The following LIFR variants were observed in gnomAD, a reference collection of about 807,000 sequenced individuals.
LIFR encodes the protein LIF receptor subunit alpha, also known as leukemia inhibitory factor receptor.
LIFR carries 84 observed loss-of-function variants against 122.2 expected under a neutral mutation model. The ratio of observed to expected loss-of-function variants is 0.69; its 90% CI spans 0.58 to 0.82. LIFR has a LOEUF of 0.82. Among genes scored for constraint, LIFR ranks in the 40% least tolerant of loss-of-function variants. The pLI is 0.00. For synonymous variants in LIFR, 422 were observed against 434.7 expected (o/e 0.97, Z 0.36); for missense variants, 1,294 against 1,311.6 (o/e 0.99, Z 0.21).
In LIFR at chr5:38,483,265, T is replaced by C. The variant is rs147383941; in HGVS notation, c.2592-598A>G. On this transcript the variant is annotated intron_variant, in intron 18 of 19. Transcript: ENST00000453190. ...GAGATTTGCTCAGTGTCCTATCATA[T>C]TTTTATATTTATAGCTACTAAAAAG... Among the ~76,000 whole-genome samples the C allele has an allele frequency of 2.2e-3, 329 of 152,322 alleles. 2 individuals are homozygous for C. The highest frequency in any genetic ancestry group is 7.8e-3 in the African/African-American group (324 of 41,562).
intron 1 of LIFR, among the ~76,000 whole-genome samples, chr5:38,589,907 A>G (rs1233647664): frequency 2.0e-5 from 3 of 152,116 alleles, no homozygotes; most frequent in Non-Finnish European, 4.4e-5. Flanking sequence ...TCTACTTTTC[A>G]CTGTTTAGAA....
rs1400176492 is a variant in LIFR at position 38,556,611 on chromosome 5, G to A, written c.-297C>T. 1 of 149,030 alleles carries A rather than the reference G, an allele frequency of 6.7e-6. No homozygotes were observed. Among genetic ancestry groups the A allele is most frequent in the South Asian group, 2.1e-4 (1 of 4,806 alleles). The allele number at this position is 149,030 out of a possible 1,614,324, so 9.2% of individuals were successfully genotyped here. Reference sequence around the variant, plus strand: ...AGAGCCTCCCAGAGGCAACGGTAACGGCCACCGCCACGGCCGAGTCGCTCC... The same window carrying A: ...AGAGCCTCCCAGAGGCAACGGTAACAGCCACCGCCACGGCCGAGTCGCTCC... On this transcript the variant is annotated 5_prime_UTR_variant, in exon 1 of 20. Transcript: ENST00000453190.
At chr5:38,496,085 ATAAACTCTTAAAATATTTC>A (rs1744860945) in intron 13 of LIFR, among the ~76,000 whole-genome samples, 1 of 152,174 alleles carries the variant, frequency 6.6e-6, no homozygotes, top group Admixed American at 6.5e-5. Context: ...TATCATTTGA[ATAAACTCTTAAAATATTTC>A]TTCCTAAAAG....
upstream of LIFR, among the ~76,000 whole-genome samples, chr5:38,595,586 A>C (rs1057160568): frequency 6.6e-6 from 1 of 152,130 alleles, no homozygotes; most frequent in Non-Finnish European, 1.5e-5. Flanking sequence ...AATGGGATAA[A>C]AAGCTTTTGC....
At chr5:38,528,527 T>C in intron 3 of LIFR, 199 bp downstream of exon 3, 4 of 611,754 alleles carry the variant, frequency 6.5e-6, no homozygotes, top group South Asian at 5.7e-5. Flanking sequence ...CTCTGTCCCC[T>C]CTTCTCACCT....
intron 9 of LIFR, 71 bp downstream of exon 9, chr5:38,505,834 A>G: frequency 1.0e-6 from 1 of 972,680 alleles, no homozygotes; most frequent in Non-Finnish European, 1.6e-6. Context: ...TAATCCCTAT[A>G]AGCATTTTTC....
upstream of LIFR, among the ~76,000 whole-genome samples, chr5:38,560,798 A>G (rs1163583524): frequency 6.6e-6 from 1 of 151,832 alleles, no homozygotes; most frequent in Non-Finnish European, 1.5e-5. Context: ...GGGTTTCACC[A>G]TCTTGGCCAG....
intron 18 of LIFR, among the ~76,000 whole-genome samples, chr5:38,483,099 A>G (rs113323784): frequency 2.0e-5 from 3 of 151,610 alleles, no homozygotes; most frequent in Non-Finnish European, 4.4e-5. Flanking sequence ...AATCTTGACC[A>G]AAAACTAAAT....
chr5:38,568,773 A>G (rs1244160326), intron 1 of LIFR, among the ~76,000 whole-genome samples: 1 of 152,212 alleles, frequency 6.6e-6, no homozygotes, highest in African/African-American at 2.4e-5. Flanking sequence ...AAGCAGGTTG[A>G]GCGTCCCAGG....
At chr5:38,556,684 G>C (rs1044528837), upstream of LIFR, 12 of 145,694 alleles carry the variant, frequency 8.2e-5, no homozygotes, top group African/African-American at 2.7e-4. Context: ...CCGCTCGGCT[G>C]GGGGCGCAGC....
Position 38,476,205 on chromosome 5 carries a change from A to G in LIFR, c.*5390T>C, listed in dbSNP as rs1743713836. 2 of 207,130 alleles carry G rather than the reference A, an allele frequency of 9.7e-6. No homozygotes were observed. The highest frequency in any genetic ancestry group is 4.6e-5 in the African/African-American group (2 of 43,928). The allele number at this position is 207,130 out of a possible 1,614,324, so 12.8% of individuals were successfully genotyped here. ...AAGAATGTTTTACAAAAATTGTATGAAAACCATTATTCAGTGTTCTTTTCT... is the reference window on the plus strand; with the variant it reads ...AAGAATGTTTTACAAAAATTGTATGGAAACCATTATTCAGTGTTCTTTTCT... On this transcript the variant is annotated 3_prime_UTR_variant, in exon 20 of 20. Transcript: ENST00000453190.
At position 38,585,899 on chromosome 5, in the gene LIFR, T is replaced by C. The variant is rs186891775; in HGVS notation, c.-20+9362A>G. On this transcript the variant is annotated intron_variant, in intron 1 of 19. Coordinates refer to the LIFR transcript ENST00000263409. Reference sequence around the variant, plus strand: ...GCCAGAAATGACCTGTCACATCTTCTCTTCTTCATCCACTCCCCACCAAGA... The same window carrying C: ...GCCAGAAATGACCTGTCACATCTTCCCTTCTTCATCCACTCCCCACCAAGA... 1.4e-4 allele frequency among the ~76,000 whole-genome samples: 22 copies of C among 152,244 alleles called. No individual in the cohort carries two copies. The East Asian group carries it at 4.3e-3, about 29-fold the overall frequency.
At chr5:38,569,224 A>T (rs1175987611) in intron 1 of LIFR, among the ~76,000 whole-genome samples, 1 of 152,210 alleles carries the variant, frequency 6.6e-6, no homozygotes, top group African/African-American at 2.4e-5. Flanking sequence ...TTCTATCTCG[A>T]GTTATACTCC....
In LIFR at chr5:38,520,862, G is replaced by A. The variant is rs138290400; in HGVS notation, c.561+2557C>T. On this transcript the variant is annotated intron_variant, in intron 5 of 19. Transcript: ENST00000453190. ...TAACCTTTTAATATATTTTGAAGTTGAGTAGTGTGATGTCTCCAAGTTTGT... is the reference window on the plus strand; with the variant it reads ...TAACCTTTTAATATATTTTGAAGTTAAGTAGTGTGATGTCTCCAAGTTTGT... Among the ~76,000 whole-genome samples, 440 of 152,232 alleles carry A rather than the reference G, an allele frequency of 2.9e-3. 4 individuals are homozygous for A. Among genetic ancestry groups the A allele is most frequent in the African/African-American group, 0.01 (421 of 41,558 alleles).
intron 1 of LIFR, among the ~76,000 whole-genome samples, chr5:38,592,472 A>C (rs946277873): frequency 1.3e-5 from 2 of 152,090 alleles, no homozygotes; most frequent in African/African-American, 2.4e-5. Context: ...AGCCTGGCCA[A>C]CATGACAAAA....
chr5:38,543,283 T>C (rs1250157398), intron 1 of LIFR, among the ~76,000 whole-genome samples: 1 of 152,108 alleles, frequency 6.6e-6, no homozygotes, highest in East Asian at 1.9e-4. Context: ...ACTTAACCTG[T>C]ACTCTCTCAA....
intron 5 of LIFR, among the ~76,000 whole-genome samples, chr5:38,518,985 T>A (rs1746254550): frequency 6.6e-6 from 1 of 152,188 alleles, no homozygotes; most frequent in African/African-American, 2.4e-5. Context: ...AAATAATTTT[T>A]AAAAATACAA....
chr5:38,516,639 G>A (rs1746099778), intron 5 of LIFR, among the ~76,000 whole-genome samples: 1 of 152,150 alleles, frequency 6.6e-6, no homozygotes, highest in South Asian at 2.1e-4. Context: ...CACTGTGGAG[G>A]ACAGTGTGGC....
Position 38,505,979 on chromosome 5 carries a change from T to C in LIFR, c.1217A>G (p.Tyr406Cys), listed in dbSNP as rs748982610. ...LFQMLPNQEI[Y>C]NFTLNAHNPL... Reference sequence around the variant, plus strand: ...ATTGTGAGCATTCAAAGTAAAATTATATATTTCTTGATTTGGAAGCATTTG... The same window carrying C: ...ATTGTGAGCATTCAAAGTAAAATTACATATTTCTTGATTTGGAAGCATTTG... The change falls in exon 9 of 20, where the codon TAT becomes TGT. Residue 406 changes from tyrosine to cysteine, a missense_variant. Transcript: ENST00000453190. The C allele has an allele frequency of 5.6e-6, 9 of 1,609,912 alleles. No individual in the cohort carries two copies. Among genetic ancestry groups the C allele is most frequent in the South Asian group, 4.4e-5 (4 of 90,496 alleles).
Sources: allele counts gnomAD v4.1 joint callset (sites outside exome capture counted in the v4.1 genomes callset), GRCh38; gene constraint gnomAD v4.1.1; transcripts MANE v1.5; gene names NCBI Gene and HGNC (gene_info 2026-07-23, HGNC 2026-07-21).